The following PLCE1 variants were observed in gnomAD, a reference collection of about 807,000 sequenced individuals.
The protein encoded by PLCE1 is 1-phosphatidylinositol 4,5-bisphosphate phosphodiesterase epsilon-1.
Under a neutral mutation model 242.8 loss-of-function variants are expected in PLCE1, and 119 were observed. That is an observed-to-expected ratio of 0.49 (90% CI 0.42 to 0.57). The LOEUF is 0.57. Among genes scored for constraint, PLCE1 ranks in the 20% least tolerant of loss-of-function variants. The pLI is 0.00. For missense variants in PLCE1, 2,441 were observed against 2,788.8 expected (o/e 0.88, Z 2.81); for synonymous variants, 945 against 1,017.4 (o/e 0.93, Z 1.35).
intron 8 of PLCE1, 104 bp downstream of exon 8, chr10:94,246,725 A>C: frequency 9.7e-7 from 1 of 1,028,114 alleles, no homozygotes; most frequent in Non-Finnish European, 1.5e-6. Context: ...GACAGTTACT[A>C]CCTGTGGTGA....
intron 2 of PLCE1, among the ~76,000 whole-genome samples, chr10:94,049,925 G>A (rs1723269261): frequency 6.6e-6 from 1 of 152,112 alleles, no homozygotes; most frequent in African/African-American, 2.4e-5. Context: ...ATTCATCCAT[G>A]TCGCTGGATG....
chr10:94,307,814 G>T (rs575249817), intron 26 of PLCE1, among the ~76,000 whole-genome samples: 1 of 152,270 alleles, frequency 6.6e-6, no homozygotes, highest in South Asian at 2.1e-4. Flanking sequence ...GGTACTGAGG[G>T]TTAGGACTTC....
chr10:94,304,220 G>A (rs1203201984), intron 24 of PLCE1, among the ~76,000 whole-genome samples: 1 of 152,148 alleles, frequency 6.6e-6, no homozygotes, highest in African/African-American at 2.4e-5. Flanking sequence ...GTTTGGAGTG[G>A]TAACACTGGG....
chr10:94,265,289 G>A (rs1380431779), intron 14 of PLCE1, among the ~76,000 whole-genome samples: 1 of 152,166 alleles, frequency 6.6e-6, no homozygotes, highest in Non-Finnish European at 1.5e-5. Flanking sequence ...GGCACTAAGT[G>A]CTCTATGTGA....
At chr10:94,274,119 G>C (rs2051853706) in intron 19 of PLCE1, among the ~76,000 whole-genome samples, 1 of 151,962 alleles carries the variant, frequency 6.6e-6, no homozygotes, top group Non-Finnish European at 1.5e-5. Context: ...ATAGCCCTGT[G>C]ATCCCAGCGT....
intron 1 of PLCE1, among the ~76,000 whole-genome samples, chr10:94,008,790 C>T (rs2061103910): frequency 6.6e-6 from 1 of 152,154 alleles, no homozygotes; most frequent in African/African-American, 2.4e-5. Flanking sequence ...ACAAGAGGCA[C>T]ATAAGGAGAA....
At chr10:94,130,856 G>A (rs1247407209) in intron 2 of PLCE1, among the ~76,000 whole-genome samples, 1 of 152,138 alleles carries the variant, frequency 6.6e-6, no homozygotes, top group Non-Finnish European at 1.5e-5. Context: ...GAGATTTGGA[G>A]GATGCAACAT....
intron 2 of PLCE1, among the ~76,000 whole-genome samples, chr10:94,080,137 T>A (rs1045154492): frequency 6.6e-6 from 1 of 152,128 alleles, no homozygotes; most frequent in Non-Finnish European, 1.5e-5. Flanking sequence ...ACTTTGGTCT[T>A]TGAGAAAGAC....
chr10:94,159,585 T>C (rs1219852354), intron 3 of PLCE1, among the ~76,000 whole-genome samples: 2 of 152,228 alleles, frequency 1.3e-5, no homozygotes, highest in African/African-American at 2.4e-5. Flanking sequence ...ATAGAGTAGA[T>C]AGAATAAGTT....
intron 2 of PLCE1, among the ~76,000 whole-genome samples, chr10:94,113,738 T>C (rs1351200739): frequency 6.6e-6 from 1 of 152,134 alleles, no homozygotes; most frequent in Non-Finnish European, 1.5e-5. Flanking sequence ...AATGTGACGA[T>C]GCGGGAATGG....
chr10:94,003,131 T>C (rs2060963755), intron 1 of PLCE1, among the ~76,000 whole-genome samples: 1 of 152,206 alleles, frequency 6.6e-6, no homozygotes. Context: ...TACCCACAAA[T>C]AATGATTACT....
chr10:94,326,243 A>ACTT lies in PLCE1; in HGVS notation c.*24+1142_*24+1144dup, dbSNP rs2054011161. Among the ~76,000 whole-genome samples, 3 of 152,330 alleles carry ACTT rather than the reference A, an allele frequency of 2.0e-5. No homozygotes were observed. The South Asian group carries it at 6.2e-4, about 32-fold the overall frequency. ...CCATCTGCCTTTATGACAATGAGGA[A>ACTT]CTTCTGATATAAAACTGCCAAACTG... On this transcript the variant is annotated intron_variant, in intron 32 of 32. Transcript: ENST00000371380.
intron 1 of PLCE1, among the ~76,000 whole-genome samples, chr10:94,028,319 C>T (rs2061491582): frequency 6.6e-6 from 1 of 152,152 alleles, no homozygotes; most frequent in Non-Finnish European, 1.5e-5. Flanking sequence ...GGATCCGCTT[C>T]CAAGATGGCG....
At chr10:94,110,640 T>G (rs2045926534) in intron 2 of PLCE1, among the ~76,000 whole-genome samples, 1 of 152,212 alleles carries the variant, frequency 6.6e-6, no homozygotes, top group South Asian at 2.1e-4. Context: ...TAATATGACA[T>G]CACAACTATG....
intron 2 of PLCE1, among the ~76,000 whole-genome samples, chr10:94,095,487 GC>G (rs1423482164): frequency 6.6e-6 from 1 of 152,110 alleles, no homozygotes; most frequent in African/African-American, 2.4e-5. Context: ...CTCCTGAGTA[GC>G]AGGGACTACA....
At chr10:94,222,433 C>A (rs1375801429) in intron 4 of PLCE1, among the ~76,000 whole-genome samples, 1 of 152,194 alleles carries the variant, frequency 6.6e-6, no homozygotes. Context: ...ACCGACACTG[C>A]TGCTTACCCG....
rs2061550103 is a variant in PLCE1 at position 94,031,200 on chromosome 10, C to T, written c.154C>T (p.His52Tyr). 1 of 1,613,786 alleles carries T rather than the reference C, an allele frequency of 6.2e-7. No homozygotes were observed. Residue 52 changes from histidine (H) to tyrosine (Y), a missense_variant, in exon 2 of 33, where the codon CAT becomes TAT. Transcript: ENST00000371380. ...HTVRRSGETS[H>Y]TISQLNKLKE... ...TGTCAGACGAAGTGGGGAGACTTCT[C>T]ATACCATCTCACAACTGAACAAACT...
chr10:94,160,716 T>C (rs999214117), intron 3 of PLCE1, among the ~76,000 whole-genome samples: 38 of 152,302 alleles, frequency 2.5e-4, no homozygotes, highest in African/African-American at 7.5e-4. Flanking sequence ...CTGAATGGTA[T>C]TGCCTAGGTT....
At chr10:94,161,698 T>C (rs2047619558) in intron 3 of PLCE1, among the ~76,000 whole-genome samples, 1 of 152,184 alleles carries the variant, frequency 6.6e-6, no homozygotes. Flanking sequence ...CTATTTTGAA[T>C]ATGAGTGGTG....
Sources: allele counts gnomAD v4.1 joint callset (sites outside exome capture counted in the v4.1 genomes callset), GRCh38; gene constraint gnomAD v4.1.1; transcripts MANE v1.5; gene names NCBI Gene and HGNC (gene_info 2026-07-23, HGNC 2026-07-21).